The following MRTFB variants were observed in gnomAD, a reference collection of about 807,000 sequenced individuals.
The protein encoded by MRTFB is myocardin-related transcription factor B.
Under a neutral mutation model 104.2 loss-of-function variants are expected in MRTFB, and 29 were observed. The observed-to-expected ratio is 0.28, with a 90% confidence interval of 0.21 to 0.38. The LOEUF (loss-of-function observed/expected upper bound fraction) is 0.38. Among genes scored for constraint, MRTFB ranks in the 10% least tolerant of loss-of-function variants. The pLI, the probability that MRTFB is intolerant of heterozygous loss-of-function variation, is 1.00. For synonymous variants in MRTFB, 535 were observed against 519.5 expected, an observed-to-expected ratio of 1.03 and a Z score of -0.41; for missense variants, 1,270 against 1,341.6, an observed-to-expected ratio of 0.95 and a Z score of 0.83.
intron 2 of MRTFB, among the ~76,000 whole-genome samples, chr16:14,117,920 T>C (rs528519663): frequency 1.8e-4 from 27 of 152,162 alleles, no homozygotes; most frequent in Non-Finnish European, 3.1e-4. Flanking sequence ...TCTTTAAAAA[T>C]ATGTTACTTC....
At chr16:14,184,072 TAAA>T (rs71757134) in intron 3 of MRTFB, among the ~76,000 whole-genome samples, 25 of 121,770 alleles carry the variant, frequency 2.1e-4, no homozygotes, top group African/African-American at 6.7e-4. Context: ...TCCTGAAATT[TAAA>T]AAAAAAAAAA....
chr16:14,017,711 A>ATTTT, the MRTFB span, among the ~76,000 whole-genome samples: 174 of 33,594 alleles, frequency 5.2e-3, 31 homozygotes, highest in Non-Finnish European at 7.6e-3. Context: ...ATATATATAT[A>ATTTT]TTTTTTTTTT....
At chr16:14,103,832 T>G (rs75285595) in intron 2 of MRTFB, among the ~76,000 whole-genome samples, 8,391 of 152,246 alleles carry the variant, frequency 0.055, 793 homozygotes, top group African/African-American at 0.19. Context: ...AGTAGCAGTT[T>G]TAAAGAGGCA....
At position 14,218,933 on chromosome 16, in the gene MRTFB, G is replaced by A. The variant is rs759911105; in HGVS notation, c.628G>A (p.Ala210Thr). 1.4e-5 allele frequency: 22 copies of A among 1,613,934 alleles called. No individual in the cohort carries two copies. Among genetic ancestry groups the A allele is most frequent in the African/African-American group, 1.3e-4 (10 of 74,890 alleles). The change falls in exon 8 of 17, where the codon GCG becomes ACG. Residue 210 changes from alanine (A) to threonine (T), a missense_variant. This residue lies in a region of MRTFB where 1,144 missense variants were observed against 1,131.5 expected (regional missense o/e 1.01). Transcript: ENST00000571589. ...PASQESQGSA[A>T]SPSEPKVSES... ...GAGTCAGGAGTCACAGGGGTCAGCCGCGTCCCCAAGTGAGCCAAAAGTTAG... is the reference window on the plus strand; with the variant it reads ...GAGTCAGGAGTCACAGGGGTCAGCCACGTCCCCAAGTGAGCCAAAAGTTAG...
intron 3 of MRTFB, among the ~76,000 whole-genome samples, chr16:14,186,558 C>T (rs555933620): frequency 6.6e-6 from 1 of 152,234 alleles, no homozygotes; most frequent in African/African-American, 2.4e-5. Flanking sequence ...TCAGATGATT[C>T]GGACCATCAA....
At chr16:14,144,538 G>A (rs191535600) in intron 3 of MRTFB, 28 of 152,152 alleles carry the variant, frequency 1.8e-4, no homozygotes, top group African/African-American at 6.5e-4. Flanking sequence ...TGCTAAGATA[G>A]TAGATTTTAA....
upstream of MRTFB, chr16:14,071,260 C>G (rs994610045): frequency 6.5e-6 from 1 of 153,714 alleles, no homozygotes; most frequent in African/African-American, 2.4e-5. Flanking sequence ...CCGCTTCTAG[C>G]CTGGGGTCCG....
At chr16:14,088,804 A>AT (rs1041961540) in intron 2 of MRTFB, among the ~76,000 whole-genome samples, 3 of 152,190 alleles carry the variant, frequency 2.0e-5, no homozygotes, top group African/African-American at 7.2e-5. Context: ...AAGCTGGCAC[A>AT]TTTTTTCGTG....
intron 3 of MRTFB, among the ~76,000 whole-genome samples, chr16:14,184,222 ATTTTTTT>A (rs561797213): frequency 2.2e-5 from 3 of 134,966 alleles, no homozygotes; most frequent in African/African-American, 8.3e-5. Flanking sequence ...AAAGTATTTG[ATTTTTTT>A]TTTTTTTTTT....
intron 8 of MRTFB, among the ~76,000 whole-genome samples, chr16:14,225,186 TAAAAAGAAAAAAG>T (rs998471606): frequency 2.0e-5 from 3 of 152,096 alleles, no homozygotes; most frequent in Non-Finnish European, 2.9e-5. Context: ...AATTCTCATC[TAAAAAGAAAAAAG>T]AAAAAGATAA....
chr16:14,192,898 T>C (rs78325105), intron 3 of MRTFB, among the ~76,000 whole-genome samples: 8,594 of 152,208 alleles, frequency 0.056, 749 homozygotes, highest in African/African-American at 0.19. Flanking sequence ...GGAGCAATTC[T>C]TGACACCTTC....
chr16:14,200,773 A>T, intron 3 of MRTFB: 1 of 1,470,110 alleles, frequency 6.8e-7, no homozygotes, highest in South Asian at 1.1e-5. Context: ...TGTGGGTGAT[A>T]CTTGCCTTCA....
intron 2 of MRTFB, among the ~76,000 whole-genome samples, chr16:14,098,862 C>T (rs903956420): frequency 6.6e-6 from 1 of 152,160 alleles, no homozygotes; most frequent in Non-Finnish European, 1.5e-5. Flanking sequence ...ACTGAGTTGC[C>T]TTTGCATCTT....
chr16:14,235,413 G>A (rs1348183332), intron 9 of MRTFB, among the ~76,000 whole-genome samples: 2 of 152,156 alleles, frequency 1.3e-5, no homozygotes, highest in African/African-American at 4.8e-5. Flanking sequence ...CAACCCCGAC[G>A]GCACAGAGGG....
In MRTFB at chr16:14,258,212, A is replaced by G. The variant is rs762105291; in HGVS notation, c.2764+51A>G. On this transcript the variant is annotated intron_variant, in intron 16 of 16. Coordinates refer to ENST00000571589, the MANE Select transcript of MRTFB (RefSeq NM_001308142.2). ...TCCCAGGAAGTCATCTCTTAACCCA[A>G]GTTCATGAAAGTTTTTCTTAAGCAC... The G allele has an allele frequency of 8.1e-6, 12 of 1,480,056 alleles. No individual in the cohort carries two copies. The Admixed American group carries it at 2.0e-4, about 25-fold the overall frequency. The allele number at this position is 1,480,056 out of a possible 1,614,324, so 91.7% of individuals were successfully genotyped here. A position where few individuals can be genotyped will look rare whatever the true frequency, so the allele number is the denominator to read the frequency against.
At chr16:14,161,937 C>T (rs2039054183) in intron 3 of MRTFB, among the ~76,000 whole-genome samples, 2 of 152,072 alleles carry the variant, frequency 1.3e-5, no homozygotes, top group African/African-American at 4.8e-5. Context: ...ATTTGAGAAA[C>T]ATCTTAAGTA....
At chr16:14,084,056 T>C (rs2034563715) in intron 2 of MRTFB, among the ~76,000 whole-genome samples, 1 of 152,226 alleles carries the variant, frequency 6.6e-6, no homozygotes, top group South Asian at 2.1e-4. Context: ...TGAAATACTC[T>C]TGGACTTTAA....
intron 8 of MRTFB, among the ~76,000 whole-genome samples, chr16:14,219,573 G>GAGTT (rs1346682209): frequency 2.0e-5 from 3 of 152,208 alleles, no homozygotes; most frequent in Non-Finnish European, 2.9e-5. Context: ...TAGAATTTTT[G>GAGTT]AGTTAGAAAG....
chr16:14,119,820 G>A (rs2036748500), intron 2 of MRTFB, among the ~76,000 whole-genome samples: 1 of 152,146 alleles, frequency 6.6e-6, no homozygotes, highest in Non-Finnish European at 1.5e-5. Flanking sequence ...TCGCATAGCA[G>A]CTTTAGGCTA....
Sources: allele counts gnomAD v4.1 joint callset (sites outside exome capture counted in the v4.1 genomes callset), GRCh38; gene constraint gnomAD v4.1.1; regional missense constraint gnomAD v4.1.1; transcripts MANE v1.5; gene names NCBI Gene and HGNC (gene_info 2026-07-23, HGNC 2026-07-21).